The following DNAJC11 variants were observed in gnomAD, a reference collection of about 807,000 sequenced individuals.
DNAJC11 encodes DnaJ heat shock protein family (Hsp40) member C11.
Under a neutral mutation model 78.6 loss-of-function variants are expected in DNAJC11, and 15 were observed. That is an observed-to-expected ratio of 0.19 (90% CI 0.13 to 0.29). The LOEUF is 0.29. DNAJC11 is among the 10% of genes least tolerant of loss of function. The probability of loss-of-function intolerance (pLI) is 1.00; values close to 1 mark genes in which losing one functional copy is unlikely to be tolerated. For missense variants in DNAJC11, 547 were observed against 709.6 expected, an observed-to-expected ratio of 0.77 and a Z score of 2.60; for synonymous variants, 292 against 272.1, an observed-to-expected ratio of 1.07 and a Z score of -0.72.
Position 6,653,769 on chromosome 1 carries a change from T to G in DNAJC11, c.507+142A>C. 1.7e-6 allele frequency: 2 copies of G among 1,168,134 alleles called. No individual in the cohort carries two copies. Among genetic ancestry groups the G allele is most frequent in the Non-Finnish European group, 1.2e-6 (1 of 834,724 alleles). The allele number at this position is 1,168,134 out of a possible 1,614,324, so 72.4% of individuals were successfully genotyped here. On this transcript the variant is annotated intron_variant, in intron 5 of 15. Coordinates refer to ENST00000377577, the MANE Select transcript of DNAJC11 (RefSeq NM_018198.4). The surrounding 1 kb of genome is among the most constrained non-coding windows in gnomAD (Gnocchi z 4.5). ...ACACACGGCTGGGAATGAAGCGCTT[T>G]CTTTTTTAAGTGGCTAATTGCATCC...
At chr1:6,698,271 A>G (rs1453599055) in intron 1 of DNAJC11, among the ~76,000 whole-genome samples, 2 of 152,154 alleles carry the variant, frequency 1.3e-5, no homozygotes, top group Admixed American at 1.3e-4. Context: ...TTAAATGGCA[A>G]CTACTCTAGA....
chr1:6,678,560 T>C, intron 2 of DNAJC11, 93 bp from the exon 3 acceptor site: 1 of 958,928 alleles, frequency 1.0e-6, no homozygotes, highest in Non-Finnish European at 1.6e-6. Flanking sequence ...GCCCATCTCC[T>C]GTTCTCCCTG....
At chr1:6,679,527 C>G (rs994763969) in intron 2 of DNAJC11, among the ~76,000 whole-genome samples, 1 of 152,200 alleles carries the variant, frequency 6.6e-6, no homozygotes, top group Non-Finnish European at 1.5e-5. Context: ...GGTCTCTTCT[C>G]CCCTGACAGT....
At chr1:6,662,128 G>GTT (rs1222028818) in intron 4 of DNAJC11, among the ~76,000 whole-genome samples, 5,471 of 137,540 alleles carry the variant, frequency 0.04, 217 homozygotes, top group African/African-American at 0.071. Flanking sequence ...ATTGTTTTTT[G>GTT]TTTTTTGTTT....
chr1:6,699,767 G>GA (rs1234458068), intron 1 of DNAJC11, among the ~76,000 whole-genome samples: 1 of 151,820 alleles, frequency 6.6e-6, no homozygotes, highest in African/African-American at 2.4e-5. Context: ...AAAAAAAAAG[G>GA]AAAAAAAGGA....
At chr1:6,668,039 C>T in intron 3 of DNAJC11, 1 of 525,288 alleles carries the variant, frequency 1.9e-6, no homozygotes, top group Non-Finnish European at 3.4e-6. Flanking sequence ...AATGAGTTTT[C>T]ACTCAGCTCT....
intron 4 of DNAJC11, among the ~76,000 whole-genome samples, chr1:6,663,641 C>A (rs1275341915): frequency 6.6e-6 from 1 of 152,150 alleles, no homozygotes; most frequent in African/African-American, 2.4e-5. Flanking sequence ...GCATACTGCT[C>A]TCAGGTATGA....
chr1:6,688,087 C>A (rs528874773), intron 1 of DNAJC11, among the ~76,000 whole-genome samples: 1 of 152,150 alleles, frequency 6.6e-6, no homozygotes, highest in African/African-American at 2.4e-5. Flanking sequence ...GTAACCTTTT[C>A]CCACCACAAT....
chr1:6,677,787 C>G (rs1642492824), intron 3 of DNAJC11, among the ~76,000 whole-genome samples: 1 of 152,218 alleles, frequency 6.6e-6, no homozygotes, highest in Non-Finnish European at 1.5e-5. Flanking sequence ...TGACTGCTCT[C>G]CCACAGCATG....
At chr1:6,644,891 T>TCC in intron 9 of DNAJC11, 150 bp downstream of exon 9, 1 of 848,954 alleles carries the variant, frequency 1.2e-6, no homozygotes, top group Non-Finnish European at 2.0e-6. Context: ...TAGTGTTAAA[T>TCC]CCCCCACAGC....
chr1:6,658,925 G>A (rs980062687), intron 4 of DNAJC11, among the ~76,000 whole-genome samples: 2 of 152,168 alleles, frequency 1.3e-5, no homozygotes, highest in African/African-American at 2.4e-5. Flanking sequence ...AATGCCTGCC[G>A]GCCCTGGGTC....
At chr1:6,638,494 T>A in intron 11 of DNAJC11, 130 bp from the exon 12 acceptor site, 1 of 747,742 alleles carries the variant, frequency 1.3e-6, no homozygotes, top group Admixed American at 3.4e-5. Flanking sequence ...GTTGTAGAAC[T>A]TTAAAAAATA....
intron 1 of DNAJC11, among the ~76,000 whole-genome samples, chr1:6,689,994 C>A (rs187038741): frequency 1.1e-4 from 17 of 152,222 alleles, no homozygotes; most frequent in Non-Finnish European, 1.6e-4. Flanking sequence ...ACTCAAAACG[C>A]CTTGAGGTTG....
At chr1:6,650,328 G>A (rs982906126) in intron 7 of DNAJC11, among the ~76,000 whole-genome samples, 3 of 152,150 alleles carry the variant, frequency 2.0e-5, no homozygotes, top group Non-Finnish European at 4.4e-5. Context: ...TGCTTTGGGA[G>A]GCCAAGGTGG....
At chr1:6,691,932 T>G (rs1642752706) in intron 1 of DNAJC11, among the ~76,000 whole-genome samples, 1 of 152,258 alleles carries the variant, frequency 6.6e-6, no homozygotes, top group Non-Finnish European at 1.5e-5. Flanking sequence ...TTTTCATCTG[T>G]TGTCTTACAT....
intron 12 of DNAJC11, chr1:6,637,731 C>T: frequency 1.7e-6 from 1 of 596,196 alleles, no homozygotes; most frequent in Non-Finnish European, 3.0e-6. Context: ...CCTGAAACGG[C>T]ATGACCCTCC....
At chr1:6,696,050 T>A (rs1337380658) in intron 1 of DNAJC11, among the ~76,000 whole-genome samples, 1 of 152,224 alleles carries the variant, frequency 6.6e-6, no homozygotes, top group Non-Finnish European at 1.5e-5. Context: ...GGGCTGAAAT[T>A]CTTGCTTCTC....
chr1:6,655,347 T>C (rs1642111161), intron 4 of DNAJC11, among the ~76,000 whole-genome samples: 1 of 152,218 alleles, frequency 6.6e-6, no homozygotes, highest in Non-Finnish European at 1.5e-5. Flanking sequence ...ATCCTTAGAA[T>C]TAGTTGTAGT....
chr1:6,701,793 G>A lies in DNAJC11; in HGVS notation c.8C>T (p.Thr3Met). The change falls in exon 1 of 16, where the codon ACG becomes ATG. Residue 3 changes from threonine to methionine, a missense_variant. Coordinates refer to ENST00000377577, the MANE Select transcript of DNAJC11 (RefSeq NM_018198.4). MA[T>M]ALSEEELDNE... is the part of the protein sequence containing the mutation. ...GTCCAGCTCCTCCTCGCTCAAGGCCGTCGCCATCTTCGCAACCTTTCACCC... is the reference window on the plus strand; with the variant it reads ...GTCCAGCTCCTCCTCGCTCAAGGCCATCGCCATCTTCGCAACCTTTCACCC... The A allele has an allele frequency of 1.3e-6, 2 of 1,560,888 alleles. No homozygotes were observed. Among genetic ancestry groups the A allele is most frequent in the East Asian group, 2.6e-5 (1 of 38,926 alleles).
Sources: allele counts gnomAD v4.1 joint callset (sites outside exome capture counted in the v4.1 genomes callset), GRCh38; gene constraint gnomAD v4.1.1; non-coding constraint Gnocchi (gnomAD v3.1); transcripts MANE v1.5; gene names NCBI Gene and HGNC (gene_info 2026-07-23, HGNC 2026-07-21).